Variants in PTPRA observed in about 807,000 individuals in gnomAD.
The protein encoded by PTPRA is receptor-type tyrosine-protein phosphatase alpha.
In PTPRA, 25 loss-of-function variants were observed where a neutral mutation model predicts 104.8. That is an observed-to-expected ratio of 0.24 (90% CI 0.17 to 0.33). PTPRA has a LOEUF of 0.33. Among genes scored for constraint, PTPRA ranks in the 10% least tolerant of loss-of-function variants. The pLI is 1.00. For missense variants in PTPRA, 765 were observed against 1,015.3 expected, an observed-to-expected ratio of 0.75 and a Z score of 3.35; for synonymous variants, 323 against 368.9, an observed-to-expected ratio of 0.88 and a Z score of 1.43.
intron 1 of PTPRA, among the ~76,000 whole-genome samples, chr20:2,906,743 T>C (rs6138940): frequency 0.042 from 6,466 of 152,244 alleles, 315 homozygotes; most frequent in Admixed American, 0.11. Context: ...ATCTTTGACA[T>C]GTCTTCACAC....
intron 1 of PTPRA, among the ~76,000 whole-genome samples, chr20:2,888,345 A>T (rs1414813315): frequency 6.6e-6 from 1 of 152,126 alleles, no homozygotes; most frequent in Non-Finnish European, 1.5e-5. Flanking sequence ...GGATCACTTG[A>T]GCCCAGGAGT....
At chr20:2,885,093 G>A (rs1006625255) in intron 1 of PTPRA, among the ~76,000 whole-genome samples, 1 of 152,124 alleles carries the variant, frequency 6.6e-6, no homozygotes, top group African/African-American at 2.4e-5. Context: ...AAGCCACTGC[G>A]CCCGGTTTGA....
At chr20:2,864,530 C>T in the PTPRA span, 1 of 1,614,076 alleles carries the variant, frequency 6.2e-7, no homozygotes. This position sits in a 1 kb window ranked among gnomAD's most constrained non-coding sequence, Gnocchi z 5.2. Flanking sequence ...TGACTGATTG[C>T]CTGCCTGTGG....
chr20:3,024,496 G>A lies in PTPRA; in HGVS notation c.1489G>A (p.Ala497Thr). 1 of 1,613,782 alleles carries A rather than the reference G, an allele frequency of 6.2e-7. No homozygotes were observed. The highest frequency in any genetic ancestry group is 8.5e-7 in the Non-Finnish European group (1 of 1,179,726). ...GATGCAGTATGTCTTCATATACCAA[G>A]CCCTTCTGGAGCATTATCTCTATGG... ...TDMQYVFIYQ[A>T]LLEHYLYGDT... The change falls in exon 17 of 24, where the codon GCC (alanine) becomes ACC (threonine). Residue 497 changes from alanine to threonine, a missense_variant. Physicochemically the swap from Ala to Thr is moderately conservative, Grantham distance 58 (BLOSUM62 0). Around this residue, in one of 4 missense-constraint regions of PTPRA, gnomAD observed 245 missense variants for 398.7 expected, o/e 0.61. Transcript: ENST00000399903.
chr20:2,964,178 A>G (rs2061861819), intron 3 of PTPRA, 94 bp from the exon 4 acceptor site: 1 of 1,040,332 alleles, frequency 9.6e-7, no homozygotes, highest in Non-Finnish European at 1.4e-6. Flanking sequence ...ACACATTTTA[A>G]TAGCTTGGAA....
At chr20:2,908,369 T>C (rs994241205) in intron 1 of PTPRA, among the ~76,000 whole-genome samples, 2 of 152,156 alleles carry the variant, frequency 1.3e-5, no homozygotes, top group East Asian at 1.9e-4. Flanking sequence ...TTTATACATA[T>C]ACAACCAAAC....
At chr20:2,913,234 C>T (rs565698926) in intron 1 of PTPRA, among the ~76,000 whole-genome samples, 26 of 152,080 alleles carry the variant, frequency 1.7e-4, no homozygotes, top group Non-Finnish European at 2.5e-4. Context: ...AAAAATGAGC[C>T]GAGCTTGGTG....
intron 1 of PTPRA, among the ~76,000 whole-genome samples, chr20:2,909,999 TCTATCATATATCATATATAATCTATC>T (rs1322108526): frequency 1.7e-4 from 13 of 75,166 alleles, no homozygotes; most frequent in African/African-American, 8.2e-4. Flanking sequence ...ATATATATAA[TCTATCATATATCATATATAATCTATC>T]ATATATCATA....
chr20:3,017,557 T>G (rs980171513), intron 12 of PTPRA, among the ~76,000 whole-genome samples: 1 of 152,206 alleles, frequency 6.6e-6, no homozygotes, highest in African/African-American at 2.4e-5. Flanking sequence ...TGTAATATCC[T>G]TGGGAGACAT....
upstream of PTPRA, among the ~76,000 whole-genome samples, chr20:2,872,987 G>T (rs534142250): frequency 2.0e-5 from 3 of 152,322 alleles, 1 homozygote; most frequent in South Asian, 4.1e-4. This position sits in a 1 kb window ranked among gnomAD's most constrained non-coding sequence, Gnocchi z 7.9. Flanking sequence ...CACGGAGCCA[G>T]ATCCGTTCTA....
the PTPRA span, chr20:2,864,429 G>C: frequency 6.2e-7 from 1 of 1,614,194 alleles, no homozygotes; most frequent in Non-Finnish European, 8.5e-7. This position sits in a 1 kb window ranked among gnomAD's most constrained non-coding sequence, Gnocchi z 5.2. Flanking sequence ...TGACCCTTCG[G>C]AATCAGCCCA....
chr20:2,871,248 C>T (rs1191585068), upstream of PTPRA, among the ~76,000 whole-genome samples: 1 of 152,136 alleles, frequency 6.6e-6, no homozygotes, highest in African/African-American at 2.4e-5. Flanking sequence ...ACTTGCCAAG[C>T]TGAACATGCC....
the PTPRA span, chr20:2,864,343 A>G: frequency 1.2e-6 from 2 of 1,613,242 alleles, no homozygotes; most frequent in South Asian, 2.2e-5. This position sits in a 1 kb window ranked among gnomAD's most constrained non-coding sequence, Gnocchi z 5.2. Context: ...TGGAATTCCC[A>G]CTCCACCTTA....
intron 3 of PTPRA, among the ~76,000 whole-genome samples, chr20:2,952,138 A>C (rs941730034): frequency 6.6e-6 from 1 of 151,664 alleles, no homozygotes; most frequent in Non-Finnish European, 1.5e-5. Context: ...AAAAAAAAAA[A>C]CTGTCAAATG....
rs140592703 is a variant in PTPRA, at chr20:2,915,989, A to G, written c.-128-7218A>G. On this transcript the variant is annotated intron_variant, in intron 1 of 23. Transcript: ENST00000399903. ...ACTATGTTTCCAAAAAAATAATAAC[A>G]ATAATTTTATAGTTGTAGCTTTTTA... 4.9e-3 allele frequency among the ~76,000 whole-genome samples: 753 copies of G among 152,266 alleles called. 4 individuals carry two copies. The highest frequency in any genetic ancestry group is 8.0e-3 in the Non-Finnish European group (542 of 68,022).
chr20:2,894,963 G>T (rs1350549462), intron 1 of PTPRA, among the ~76,000 whole-genome samples: 1 of 149,674 alleles, frequency 6.7e-6, no homozygotes, highest in Non-Finnish European at 1.5e-5. Context: ...CTCCAGCCTG[G>T]GCGACAGAGC....
intron 16 of PTPRA, 138 bp from the exon 17 acceptor site, chr20:3,024,334 A>AT: frequency 6.6e-6 from 6 of 914,618 alleles, no homozygotes; most frequent in Non-Finnish European, 1.6e-6. Flanking sequence ...CTAAATTGGG[A>AT]TAATAAGAGG....
chr20:3,027,037 C>T, intron 18 of PTPRA, 84 bp from the exon 19 acceptor site: 2 of 1,384,296 alleles, frequency 1.4e-6, no homozygotes, highest in South Asian at 1.2e-5. Context: ...ATTCTGTCTG[C>T]CCAGGGCCTG....
At chr20:2,952,922 A>G (rs1053722070) in intron 3 of PTPRA, among the ~76,000 whole-genome samples, 1 of 152,110 alleles carries the variant, frequency 6.6e-6, no homozygotes, top group African/African-American at 2.4e-5. Context: ...ATTCCATCCT[A>G]TGTATATACC....
Sources: allele counts gnomAD v4.1 joint callset (sites outside exome capture counted in the v4.1 genomes callset), GRCh38; gene constraint gnomAD v4.1.1; regional missense constraint gnomAD v4.1.1; non-coding constraint Gnocchi (gnomAD v3.1); transcripts MANE v1.5; gene names NCBI Gene and HGNC (gene_info 2026-07-23, HGNC 2026-07-21).